MSH6: variants seen among roughly 807,000 people sequenced by gnomAD.
MSH6 encodes the protein DNA mismatch repair protein Msh6.
A neutral mutation model predicts 119.1 loss-of-function variants in MSH6; 85 were observed. The ratio of observed to expected loss-of-function variants is 0.71; its 90% CI spans 0.60 to 0.85. MSH6 has a LOEUF of 0.85. Ranked by LOEUF, MSH6 falls within the 40% of genes least tolerant of loss-of-function variation. The pLI is 0.00. For synonymous variants in MSH6, 830 were observed against 586.9 expected (o/e 1.41, Z -5.99); for missense variants, 2,163 against 1,655.3 (o/e 1.31, Z -5.32).
exon 10 of MSH6, chr2:47,806,943 T>TTTAAAAATGACCA: frequency 9.4e-7 from 1 of 1,063,756 alleles, no homozygotes; most frequent in Non-Finnish European, 1.4e-6. Flanking sequence ...AACTTTATTT[T>TTTAAAAATGACCA]TTAAAAATGA....
At position 47,806,499 on chromosome 2, in the gene MSH6, T is replaced by TAGG. The variant is rs1553333421; in HGVS notation, c.3850_3851insGGA (p.Ile1283_Thr1284insArg). On this transcript the variant is annotated inframe_insertion, in exon 9 of 10. Coordinates refer to ENST00000234420, the MANE Select transcript of MSH6 (RefSeq NM_000179.3). Reference sequence around the variant, plus strand: ...GTGAAGACCCCAGCCAGGAGACTATTACGTTCCTCTATAAATTCATTAAGG... The same window carrying TAGG: ...GTGAAGACCCCAGCCAGGAGACTATTAGGACGTTCCTCTATAAATTCATTAAGG... The TAGG allele has an allele frequency of 6.2e-7, 1 of 1,614,124 alleles. No homozygotes were observed. Among genetic ancestry groups the TAGG allele is most frequent in the Admixed American group, 1.7e-5 (1 of 60,012 alleles).
In MSH6 at chr2:47,805,628, A is replaced by AT. The variant is rs1057517764; in HGVS notation, c.3573dup (p.Val1192CysfsTer2). The AT allele has an allele frequency of 4.3e-6, 7 of 1,610,890 alleles. No homozygotes were observed. Among genetic ancestry groups the AT allele is most frequent in the Non-Finnish European group, 4.2e-6 (5 of 1,177,712 alleles). On this transcript the variant is annotated frameshift_variant, in exon 7 of 10. Coordinates refer to ENST00000234420, the MANE Select transcript of MSH6 (RefSeq NM_000179.3). LOFTEE classifies it high-confidence loss of function. ...TTTTTTTTTTTTAAGGTGAAAGTAC[A>AT]TTTTTTGTTGAATTAAGTGAAACTG...
Position 47,795,877 on chromosome 2 carries a change from A to G in MSH6, c.458-17A>G, listed in dbSNP as rs554847828. On this transcript the variant is annotated splice_polypyrimidine_tract_variant and intron_variant, in intron 2 of 9. Coordinates refer to ENST00000234420, the MANE Select transcript of MSH6 (RefSeq NM_000179.3). ...CTGCACCCGGCCCTTATTGTTTATA[A>G]ATACATTTCTTTCTAGGTTCAAAAT... 8.7e-6 allele frequency: 14 copies of G among 1,612,292 alleles called. No individual in the cohort carries two copies. Among genetic ancestry groups the G allele is most frequent in the Non-Finnish European group, 1.0e-5 (12 of 1,178,836 alleles).
chr2:47,799,399 C>T lies in MSH6; in HGVS notation c.1416C>T (p.Ser472=), dbSNP rs2104342445. 6.2e-7 allele frequency: 1 copy of T among 1,614,088 alleles called. No individual in the cohort carries two copies. The highest frequency in any genetic ancestry group is 1.1e-5 in the South Asian group (1 of 91,070). Residue 472 remains serine, a synonymous_variant, in exon 4 of 10, where the codon TCC becomes TCT. Coordinates refer to ENST00000234420, the MANE Select transcript of MSH6 (RefSeq NM_000179.3). ...PEIAFGRYSD[S]LVQKGYKVAR... ...TTGCATTTGGCCGTTATTCAGATTCCCTGGTGCAGAAGGGCTATAAAGTAG... is the reference window on the plus strand; with the variant it reads ...TTGCATTTGGCCGTTATTCAGATTCTCTGGTGCAGAAGGGCTATAAAGTAG...
chr2:47,783,436 A>G lies in MSH6; in HGVS notation c.203A>G (p.Lys68Arg), dbSNP rs863224620. ...RPLARSASPP[K>R]AKNLNGGLRR... ...TTGGCGCGCTCCGCGTCACCGCCCA[A>G]GGCGAAGAACCTCAACGGAGGGCTG... The change falls in exon 1 of 10, where the codon AAG becomes AGG. Residue 68 changes from lysine (K) to arginine (R), a missense_variant. Lys to Arg is a conservative substitution (Grantham distance 26). Coordinates refer to ENST00000234420, the MANE Select transcript of MSH6 (RefSeq NM_000179.3). 2 of 1,501,440 alleles carry G rather than the reference A, an allele frequency of 1.3e-6. No homozygotes were observed. The highest frequency in any genetic ancestry group is 8.9e-7 in the Non-Finnish European group (1 of 1,127,806). 93.0% of individuals were successfully genotyped at this position (1,501,440 alleles called of 1,614,324 possible).
chr2:47,793,473 C>T (rs890668546), intron 2 of MSH6, among the ~76,000 whole-genome samples: 1 of 150,720 alleles, frequency 6.6e-6, no homozygotes, highest in Non-Finnish European at 1.5e-5. Flanking sequence ...ACTAAAAATA[C>T]AAAAATAAGC....
intron 6 of MSH6, 120 bp from the exon 7 acceptor site, chr2:47,805,495 TTAA>T (rs1669938370): frequency 1.3e-6 from 1 of 769,684 alleles, no homozygotes; most frequent in South Asian, 1.5e-5. Context: ...GCATAGTCTC[TTAA>T]TGAGATTTAA....
rs1236342555 is a variant in MSH6 at position 47,803,674 on chromosome 2, C to T, written c.3427C>T (p.Leu1143Phe). ...ACCAAATATGGGGGGCAAGTCTACG[C>T]TTATGAGACAGGTAACTGATTCTTA... ...TGPNMGGKST[L>F]MRQAGLLAVM... Residue 1143 changes from leucine (L) to phenylalanine (F), a missense_variant, in exon 5 of 10, where the codon CTT becomes TTT. Coordinates refer to ENST00000234420, the MANE Select transcript of MSH6 (RefSeq NM_000179.3). 1 of 1,614,146 alleles carries T rather than the reference C, an allele frequency of 6.2e-7. No individual in the cohort carries two copies. The highest frequency in any genetic ancestry group is 2.2e-5 in the East Asian group (1 of 44,880).
chr2:47,806,751 CTTTTTTTTTT>C lies in MSH6; in HGVS notation c.4002-19_4002-10del. 1.4e-6 allele frequency: 2 copies of C among 1,444,230 alleles called. No individual in the cohort carries two copies. The highest frequency in any genetic ancestry group is 1.9e-6 in the Non-Finnish European group (2 of 1,068,322). 89.5% of individuals were successfully genotyped at this position (1,444,230 alleles called of 1,614,324 possible). ...GATGCACTATGAAAAAACAAAAAAA[CTTTTTTTTTT>C]TTTTTTTTAATTTTAAGGGAAGTTT... is the stretch of plus-strand genomic sequence containing the variant. On this transcript the variant is annotated intron_variant, in intron 9 of 9. Transcript: ENST00000234420.
chr2:47,807,752 A>G (rs1161910416), downstream of MSH6: 1 of 246,000 alleles, frequency 4.1e-6, no homozygotes. Context: ...ATGTCCATAA[A>G]GGCAGCAACA....
chr2:47,797,243 C>T (rs1033887304), intron 3 of MSH6, among the ~76,000 whole-genome samples: 1 of 152,192 alleles, frequency 6.6e-6, no homozygotes, highest in Non-Finnish European at 1.5e-5. Flanking sequence ...TAATGAGCTG[C>T]ATCCTAAAAG....
chr2:47,800,420 A>C lies in MSH6; in HGVS notation c.2437A>C (p.Lys813Gln), dbSNP rs1198423647. 1 of 1,614,102 alleles carries C rather than the reference A, an allele frequency of 6.2e-7. No individual in the cohort carries two copies. The highest frequency in any genetic ancestry group is 1.7e-5 in the Admixed American group (1 of 60,030). Residue 813 changes from lysine (K) to glutamine (Q), a missense_variant, in exon 4 of 10, where the codon AAG (lysine) becomes CAG (glutamine). Physicochemically the swap from Lys to Gln is moderately conservative, Grantham distance 53. Transcript: ENST00000234420. Reference protein sequence around the residue: ...DKISEVVELLKKLPDLERLLS... With the variant: ...DKISEVVELLQKLPDLERLLS... ...AATCTCCGAAGTTGTAGAGCTTCTAAAGAAGCTTCCAGATCTTGAGAGGCT... is the reference window on the plus strand; with the variant it reads ...AATCTCCGAAGTTGTAGAGCTTCTACAGAAGCTTCCAGATCTTGAGAGGCT...
At chr2:47,807,275 TA>T, downstream of MSH6, 1 of 223,434 alleles carries the variant, frequency 4.5e-6, no homozygotes. Flanking sequence ...AGAGACTTTC[TA>T]AAGTGTACTT....
rs888377589 is a variant in MSH6 at position 47,783,455 on chromosome 2, A to T, written c.222A>T (p.Gly74=). The change falls in exon 1 of 10, where the codon GGA becomes GGT. Residue 74 remains glycine (G), a synonymous_variant. Transcript: ENST00000234420. ...CGCCCAAGGCGAAGAACCTCAACGGAGGGCTGCGGAGATCGGTAGCGCCTG... is the reference window on the plus strand; with the variant it reads ...CGCCCAAGGCGAAGAACCTCAACGGTGGGCTGCGGAGATCGGTAGCGCCTG... The part of the protein sequence containing the change: ...ASPPKAKNLN[G]GLRRSVAPAA... 1 of 1,463,800 alleles carries T rather than the reference A, an allele frequency of 6.8e-7. No individual in the cohort carries two copies. Among genetic ancestry groups the T allele is most frequent in the Middle Eastern group, 1.8e-4 (1 of 5,522 alleles). The allele number at this position is 1,463,800 out of a possible 1,614,324, so 90.7% of individuals were successfully genotyped here.
intron 3 of MSH6, among the ~76,000 whole-genome samples, chr2:47,797,353 G>A (rs2104265590): frequency 6.6e-6 from 1 of 152,280 alleles, no homozygotes; most frequent in Non-Finnish European, 1.5e-5. Context: ...TTAATTTTAA[G>A]GTTGAAACTA....
intron 1 of MSH6, among the ~76,000 whole-genome samples, chr2:47,788,900 CTTCTTCCTTTTTTTTTTTTTTGTTTTT>C (rs1323361771): frequency 0.13 from 6,155 of 47,034 alleles, 288 homozygotes; most frequent in Non-Finnish European, 0.16. Context: ...TTCTTTCTTT[CTTCTTCCTTTTTTTTTTTTTTGTTTTT>C]TTTTTTTTTT....
At chr2:47,806,079 A>G in intron 7 of MSH6, 125 bp from the exon 8 acceptor site, 2 of 931,484 alleles carry the variant, frequency 2.1e-6, no homozygotes, top group Non-Finnish European at 3.4e-6. Flanking sequence ...AGGCCTATTT[A>G]TAGAATGCTT....
At chr2:47,784,712 C>T (rs1403046162) in intron 1 of MSH6, 2 of 152,280 alleles carry the variant, frequency 1.3e-5, no homozygotes, top group Admixed American at 6.5e-5. Flanking sequence ...ATCCACCCGC[C>T]TCGGCCTCAA....
chr2:47,801,197 G>A (rs776793647), intron 4 of MSH6, 42 bp downstream of exon 4: 4 of 1,597,818 alleles, frequency 2.5e-6, no homozygotes, highest in Non-Finnish European at 3.4e-6. Context: ...TTGATAAGTA[G>A]TGCTGTTTGC....
Sources: allele counts gnomAD v4.1 joint callset (sites outside exome capture counted in the v4.1 genomes callset), GRCh38; gene constraint gnomAD v4.1.1; transcripts MANE v1.5; gene names NCBI Gene and HGNC (gene_info 2026-07-23, HGNC 2026-07-21).